The following DNAJC15 variants were observed in gnomAD, a reference collection of about 807,000 sequenced individuals.
DNAJC15 encodes dnaJ homolog subfamily C member 15.
Under a neutral mutation model 22.4 loss-of-function variants are expected in DNAJC15, and 27 were observed. That is an observed-to-expected ratio of 1.20 (90% CI 0.89 to 1.66). DNAJC15 has a LOEUF of 1.66. DNAJC15 is among the 40% of genes most tolerant of loss of function. The probability of loss-of-function intolerance (pLI) is 0.00; values close to 1 mark genes in which losing one functional copy is unlikely to be tolerated. For synonymous variants in DNAJC15, 79 were observed against 63.2 expected, an observed-to-expected ratio of 1.25 and a Z score of -1.19; for missense variants, 208 against 187.1, an observed-to-expected ratio of 1.11 and a Z score of -0.65.
chr13:43,043,152 G>T (rs958782276), intron 1 of DNAJC15, among the ~76,000 whole-genome samples: 2 of 152,180 alleles, frequency 1.3e-5, no homozygotes, highest in Non-Finnish European at 2.9e-5. Context: ...TGTCACTCAG[G>T]CCGGAGTCCA....
chr13:43,029,488 A>C (rs1040628284), intron 1 of DNAJC15, among the ~76,000 whole-genome samples: 2 of 151,786 alleles, frequency 1.3e-5, no homozygotes, highest in African/African-American at 4.8e-5. Flanking sequence ...TATGTTGTTT[A>C]GGGAGAATAA....
intron 5 of DNAJC15, among the ~76,000 whole-genome samples, chr13:43,096,960 A>G (rs2040742608): frequency 6.6e-6 from 1 of 152,204 alleles, no homozygotes; most frequent in Non-Finnish European, 1.5e-5. Context: ...TAGTGAGGCC[A>G]TCCTGGACTA....
rs79108048 is a variant in DNAJC15 at position 43,037,978 on chromosome 13, A to G, written c.108+14244A>G. ...TGTACTTAACATGTGGTTGCTAAAC[A>G]TTCCTCAATAATATATTTAATTGTT... On this transcript the variant is annotated intron_variant, in intron 1 of 5. Transcript: ENST00000379221. Among the ~76,000 whole-genome samples the G allele has an allele frequency of 6.8e-4, 104 of 152,360 alleles. 1 individual carries two copies. The East Asian group carries it at 0.017, about 25-fold the overall frequency.
At chr13:43,064,970 GAAAAAAA>G in intron 1 of DNAJC15, among the ~76,000 whole-genome samples, 1 of 142,622 alleles carries the variant, frequency 7.0e-6, no homozygotes, top group African/African-American at 2.5e-5. Flanking sequence ...TGATCATATT[GAAAAAAA>G]AAAAAAAAGA....
At chr13:43,038,870 G>T (rs1395373037) in intron 1 of DNAJC15, among the ~76,000 whole-genome samples, 1 of 149,650 alleles carries the variant, frequency 6.7e-6, no homozygotes, top group Non-Finnish European at 1.5e-5. Flanking sequence ...ATGAAATAAA[G>T]AATTAAGGAC....
chr13:43,054,593 G>A (rs1209844524), intron 1 of DNAJC15, among the ~76,000 whole-genome samples: 1 of 151,890 alleles, frequency 6.6e-6, no homozygotes, highest in African/African-American at 2.4e-5. Flanking sequence ...ATTGTTATTG[G>A]TATGTTCTGA....
intron 2 of DNAJC15, 78 bp from the exon 3 acceptor site, chr13:43,068,852 C>T (rs2040595105): frequency 8.6e-7 from 1 of 1,164,120 alleles, no homozygotes; most frequent in Non-Finnish European, 1.2e-6. Context: ...TCAATAAATA[C>T]TGTTGCAAGC....
intron 5 of DNAJC15, among the ~76,000 whole-genome samples, chr13:43,100,983 G>A (rs561328441): frequency 4.6e-5 from 7 of 152,200 alleles, no homozygotes; most frequent in African/African-American, 1.2e-4. Flanking sequence ...AGGTTGATTG[G>A]CCCGTTTTTC....
Position 43,042,351 on chromosome 13 carries a change from CA to C in DNAJC15, c.108+18621del, listed in dbSNP as rs554092273. ...AATATATTATTATAACCATGGAAAG[CA>C]AAACTGTAAGAGAGGACTACTATAG... On this transcript the variant is annotated intron_variant, in intron 1 of 5. Transcript: ENST00000379221. Among the ~76,000 whole-genome samples, 18 of 152,218 alleles carry C rather than the reference CA, an allele frequency of 1.2e-4. No individual in the cohort carries two copies. The East Asian group carries it at 3.5e-3, about 29-fold the overall frequency.
At chr13:43,054,827 A>G (rs955283259) in intron 1 of DNAJC15, among the ~76,000 whole-genome samples, 1 of 152,302 alleles carries the variant, frequency 6.6e-6, no homozygotes, top group African/African-American at 2.4e-5. Flanking sequence ...TCCTTCTAAC[A>G]TAAAGTAGCT....
intron 1 of DNAJC15, among the ~76,000 whole-genome samples, chr13:43,061,338 C>T (rs193182077): frequency 1.2e-4 from 19 of 152,238 alleles, no homozygotes; most frequent in Admixed American, 1.2e-3. Context: ...TTTTAGTTAC[C>T]TTATCAGCAT....
Position 43,107,946 on chromosome 13 carries a change from A to G in DNAJC15, c.*698A>G, listed in dbSNP as rs552083798. On this transcript the variant is annotated 3_prime_UTR_variant, in exon 6 of 6. Coordinates refer to ENST00000379221, the MANE Select transcript of DNAJC15 (RefSeq NM_013238.3). ...TAATTATAGTCTTCCAGTACTGTAT[A>G]TTCATTCATTACTCATTCTACAAAT... 1.3e-5 allele frequency: 2 copies of G among 152,668 alleles called. No homozygotes were observed. Among genetic ancestry groups the G allele is most frequent in the East Asian group, 3.9e-4 (2 of 5,186 alleles). 9.5% of individuals were successfully genotyped at this position (152,668 alleles called of 1,614,324 possible). A position where few individuals can be genotyped will look rare whatever the true frequency, so the allele number is the denominator to read the frequency against.
chr13:43,033,345 A>G (rs1442183800), intron 1 of DNAJC15, among the ~76,000 whole-genome samples: 1 of 152,122 alleles, frequency 6.6e-6, no homozygotes, highest in African/African-American at 2.4e-5. Flanking sequence ...TGAGCCCAGG[A>G]GTTAAAGGTT....
At chr13:43,036,240 A>G (rs972690378) in intron 1 of DNAJC15, among the ~76,000 whole-genome samples, 5 of 143,132 alleles carry the variant, frequency 3.5e-5, no homozygotes, top group African/African-American at 1.3e-4. Flanking sequence ...ATCTCAGCTC[A>G]CTGCACCTTC....
chr13:43,086,351 T>C (rs1336481153), intron 5 of DNAJC15, among the ~76,000 whole-genome samples: 1 of 152,210 alleles, frequency 6.6e-6, no homozygotes, highest in Admixed American at 6.5e-5. Flanking sequence ...AGACAATTAT[T>C]ATAACTTTAA....
chr13:43,079,610 C>A (rs1265628159), intron 4 of DNAJC15, among the ~76,000 whole-genome samples: 1 of 152,078 alleles, frequency 6.6e-6, no homozygotes, highest in Non-Finnish European at 1.5e-5. Context: ...ATACTGCCAA[C>A]TATTTCTTGC....
intron 1 of DNAJC15, among the ~76,000 whole-genome samples, chr13:43,056,882 A>C (rs965318600): frequency 2.2e-4 from 34 of 152,060 alleles, no homozygotes; most frequent in Non-Finnish European, 1.5e-5. Flanking sequence ...CTACCCCTTT[A>C]TCTTATTATG....
chr13:43,024,337 G>GTTTTTTTTTCTTTTT (rs2040368614), intron 1 of DNAJC15, among the ~76,000 whole-genome samples: 1 of 93,400 alleles, frequency 1.1e-5, no homozygotes, highest in African/African-American at 4.2e-5. Flanking sequence ...GTATTTTTAC[G>GTTTTTTTTTCTTTTT]TTTTTTTTTT....
intron 3 of DNAJC15, among the ~76,000 whole-genome samples, chr13:43,069,892 A>G (rs2040600759): frequency 6.6e-6 from 1 of 152,124 alleles, no homozygotes; most frequent in Non-Finnish European, 1.5e-5. Flanking sequence ...TAAAACTACT[A>G]AACTACCTAC....
Sources: allele counts gnomAD v4.1 joint callset (sites outside exome capture counted in the v4.1 genomes callset), GRCh38; gene constraint gnomAD v4.1.1; transcripts MANE v1.5; gene names NCBI Gene and HGNC (gene_info 2026-07-23, HGNC 2026-07-21).